Variants in MDN1 observed in about 807,000 individuals in gnomAD.
The protein encoded by MDN1 is midasin.
MDN1 carries 266 observed loss-of-function variants against 669.2 expected under a neutral mutation model. The ratio of observed to expected loss-of-function variants is 0.40; its 90% CI spans 0.36 to 0.44. MDN1 has a LOEUF of 0.44. Among genes scored for constraint, MDN1 ranks in the 20% least tolerant of loss-of-function variants. The pLI is 1.00. For synonymous variants in MDN1, 2,385 were observed against 2,457.1 expected, an observed-to-expected ratio of 0.97 and a Z score of 0.87; for missense variants, 5,940 against 6,754.0, an observed-to-expected ratio of 0.88 and a Z score of 4.22.
At chr6:89,757,058 A>G (rs1817292261) in intron 19 of MDN1, among the ~76,000 whole-genome samples, 1 of 152,230 alleles carries the variant, frequency 6.6e-6, no homozygotes, top group Non-Finnish European at 1.5e-5. Context: ...GGTTGAAGAG[A>G]AAACAACTAC....
chr6:89,788,928 A>C (rs902679962), intron 7 of MDN1, among the ~76,000 whole-genome samples: 4 of 152,158 alleles, frequency 2.6e-5, no homozygotes, highest in African/African-American at 9.7e-5. Flanking sequence ...GTTCGTGACC[A>C]GCCTGGCCAA....
chr6:89,648,989 TAAAAAAAA>T (rs35332439), intron 97 of MDN1, among the ~76,000 whole-genome samples: 1 of 135,020 alleles, frequency 7.4e-6, no homozygotes, highest in South Asian at 2.3e-4. Flanking sequence ...ACCCTGTCTT[TAAAAAAAA>T]AAAAAAAAAG....
chr6:89,716,641 G>C lies in MDN1; in HGVS notation c.6743+9C>G. ...AAGTTGGACCACTGATTAGGCATAA[G>C]GTTCTTACTTGCAGAAGTTAACATT... On this transcript the variant is annotated intron_variant, in intron 44 of 101. Coordinates refer to ENST00000369393, the MANE Select transcript of MDN1 (RefSeq NM_014611.3). The C allele has an allele frequency of 6.2e-7, 1 of 1,606,238 alleles. No individual in the cohort carries two copies. The highest frequency in any genetic ancestry group is 8.5e-7 in the Non-Finnish European group (1 of 1,177,586).
At chr6:89,712,821 A>G in intron 47 of MDN1, 35 bp from the exon 48 acceptor site, 1 of 1,585,702 alleles carries the variant, frequency 6.3e-7, no homozygotes. Flanking sequence ...CAGTGGTACC[A>G]ACATAAAAGT....
At chr6:89,722,625 G>T (rs975711881) in intron 40 of MDN1, among the ~76,000 whole-genome samples, 4 of 152,192 alleles carry the variant, frequency 2.6e-5, no homozygotes, top group Non-Finnish European at 5.9e-5. Flanking sequence ...GAGACAGGTG[G>T]ATCATCTGAA....
chr6:89,771,487 A>G, intron 15 of MDN1, 74 bp downstream of exon 15: 1 of 1,302,374 alleles, frequency 7.7e-7, no homozygotes, highest in Non-Finnish European at 1.1e-6. Flanking sequence ...GTGGTTGTTA[A>G]CACTAAGAAA....
Position 89,715,748 on chromosome 6 carries a change from C to T in MDN1, c.6765G>A (p.Leu2255=), listed in dbSNP as rs1215109536. 6.2e-7 allele frequency: 1 copy of T among 1,612,470 alleles called. No homozygotes were observed. The highest frequency in any genetic ancestry group is 8.5e-7 in the Non-Finnish European group (1 of 1,178,528). Residue 2255 remains leucine, a synonymous_variant, in exon 45 of 102, where the codon TTG becomes TTA. Coordinates refer to ENST00000369393, the MANE Select transcript of MDN1 (RefSeq NM_014611.3). ...NFCNPSVLDR[L]NALLEPGGVL... ...CACCTCCGGGTTCAAGCAAAGCATTCAAACGATCCAACACTGATGGGCTGC... is the reference window on the plus strand; with the variant it reads ...CACCTCCGGGTTCAAGCAAAGCATTTAAACGATCCAACACTGATGGGCTGC...
intron 88 of MDN1, among the ~76,000 whole-genome samples, chr6:89,660,088 T>C (rs1584108760): frequency 6.6e-6 from 1 of 152,140 alleles, no homozygotes. Context: ...GGTTTCTCCA[T>C]GTTGGTCAGG....
chr6:89,644,092 A>AATG lies in MDN1; in HGVS notation c.16701_16703dup (p.Ile5568dup), dbSNP rs1178050696. On this transcript the variant is annotated inframe_insertion, in exon 102 of 102. Transcript: ENST00000369393. Reference sequence around the variant, plus strand: ...CAGGAAGTGCGTTTACATCTCGAAGAATGATATAGTATGGGAATGGGAACT... The same window carrying AATG: ...CAGGAAGTGCGTTTACATCTCGAAGAATGATGATATAGTATGGGAATGGGAACT... 1 of 1,614,094 alleles carries AATG rather than the reference A, an allele frequency of 6.2e-7. No homozygotes were observed. Among genetic ancestry groups the AATG allele is most frequent in the South Asian group, 1.1e-5 (1 of 91,064 alleles).
Position 89,689,899 on chromosome 6 carries a change from G to C in MDN1, c.10994C>G (p.Ser3665Trp). The change falls in exon 65 of 102, where the codon TCG (serine) becomes TGG (tryptophan). Residue 3665 changes from serine (S) to tryptophan (W), a missense_variant. Ser to Trp is a radical substitution (Grantham distance 177). This residue lies in a region of MDN1 where 2,280 missense variants were observed against 2,576.3 expected (regional missense o/e 0.88). Coordinates refer to ENST00000369393, the MANE Select transcript of MDN1 (RefSeq NM_014611.3). Reference protein sequence around the residue: ...LFLSCYQTGASLVTHFYPLMG... With the variant: ...LFLSCYQTGAWLVTHFYPLMG... Reference sequence around the variant, plus strand: ...CAGGGGGTAGAAGTGTGTCACAAGCGATGCCCCAGTCTGATAGCAAGACAG... The same window carrying C: ...CAGGGGGTAGAAGTGTGTCACAAGCCATGCCCCAGTCTGATAGCAAGACAG... 1.2e-6 allele frequency: 2 copies of C among 1,614,152 alleles called. No homozygotes were observed. The highest frequency in any genetic ancestry group is 1.7e-6 in the Non-Finnish European group (2 of 1,180,032).
At chr6:89,762,167 GAAT>G in intron 16 of MDN1, 149 bp downstream of exon 16, 1 of 646,584 alleles carries the variant, frequency 1.5e-6, no homozygotes, top group South Asian at 2.2e-5. Context: ...GGAAATACGT[GAAT>G]AATGGGGCAC....
At chr6:89,748,671 AT>A (rs1431358001) in intron 26 of MDN1, among the ~76,000 whole-genome samples, 1 of 152,084 alleles carries the variant, frequency 6.6e-6, no homozygotes, top group Non-Finnish European at 1.5e-5. Flanking sequence ...CAAAATCCTC[AT>A]ATGTAAATAT....
intron 8 of MDN1, among the ~76,000 whole-genome samples, 193 bp from the exon 9 acceptor site, chr6:89,785,319 G>A (rs1438804438): frequency 6.6e-6 from 1 of 152,196 alleles, no homozygotes; most frequent in Non-Finnish European, 1.5e-5. Context: ...CCCATGTTTG[G>A]CTCTTCTCCT....
rs775022055 is a variant in MDN1, at chr6:89,723,035, A to T, written c.5887T>A (p.Ser1963Thr). The T allele has an allele frequency of 6.2e-7, 1 of 1,613,976 alleles. No homozygotes were observed. Residue 1963 changes from serine to threonine, a missense_variant, in exon 40 of 102, where the codon TCC becomes ACC. By Grantham distance (58) the Ser-to-Thr change is moderately conservative. Transcript: ENST00000369393. ...RWCQLMLVDQ[S>T]PGCYDPGQHV... ...TGACCAGGATCATAACACCCAGGGG[A>T]CTGGTCAACCAGCATCAACTGACAC...
intron 30 of MDN1, 47 bp from the exon 31 acceptor site, chr6:89,743,327 A>G (rs1172368692): frequency 6.2e-7 from 1 of 1,609,616 alleles, no homozygotes; most frequent in Non-Finnish European, 8.5e-7. Flanking sequence ...GTGGCTCCAC[A>G]GACAATATAC....
chr6:89,645,471 T>C (rs16882029), intron 100 of MDN1, among the ~76,000 whole-genome samples: 30 of 152,180 alleles, frequency 2.0e-4, no homozygotes, highest in Admixed American at 1.3e-4. Context: ...CAACATACTG[T>C]ACATGAGAAT....
At chr6:89,671,676 AC>A (rs1221544400) in intron 82 of MDN1, among the ~76,000 whole-genome samples, 1 of 152,158 alleles carries the variant, frequency 6.6e-6, no homozygotes, top group African/African-American at 2.4e-5. Context: ...ACAGAATGAG[AC>A]CGTGTCCCAA....
intron 4 of MDN1, 53 bp downstream of exon 4, chr6:89,794,047 G>C: frequency 9.1e-7 from 1 of 1,097,340 alleles, no homozygotes; most frequent in Non-Finnish European, 1.2e-6. Context: ...CCCCAGAAAA[G>C]AAAAAAAAAA....
rs778235854 is a variant in MDN1 at position 89,674,390 on chromosome 6, C to T, written c.12961G>A (p.Gly4321Ser). ...CPSVGPAPGH[G>S]NVQVLGQPPG... ...GGCTGCCCCAGTACCTGGACATTGC[C>T]ATGGCCTGGAGCTGGCCCTACACTG... Residue 4321 changes from glycine to serine, a missense_variant, in exon 79 of 102, where the codon GGC (glycine) becomes AGC (serine). This residue lies in a region of MDN1 where 2,280 missense variants were observed against 2,576.3 expected (regional missense o/e 0.88). Coordinates refer to ENST00000369393, the MANE Select transcript of MDN1 (RefSeq NM_014611.3). 1.9e-6 allele frequency: 3 copies of T among 1,614,184 alleles called. No individual in the cohort carries two copies. Among genetic ancestry groups the T allele is most frequent in the Non-Finnish European group, 8.5e-7 (1 of 1,180,032 alleles).
Sources: gnomAD v4.1 joint callset for allele counts (sites outside exome capture counted in the v4.1 genomes callset) on GRCh38, gnomAD v4.1.1 for gene constraint, gnomAD v4.1.1 regional missense constraint, MANE v1.5 for transcripts, NCBI Gene and HGNC (gene_info 2026-07-23, HGNC 2026-07-21) for gene names.